The following GRIA1 variants were observed in gnomAD, a reference collection of about 807,000 sequenced individuals.
GRIA1 encodes glutamate receptor 1.
In GRIA1, 31 loss-of-function variants were observed where a neutral mutation model predicts 99.2. The ratio of observed to expected loss-of-function variants is 0.31; its 90% CI spans 0.23 to 0.42. GRIA1 has a LOEUF of 0.42. GRIA1 is among the 10% of genes least tolerant of loss of function. The pLI, the probability that GRIA1 is intolerant of heterozygous loss-of-function variation, is 1.00. For missense variants in GRIA1, 782 were observed against 1,157.5 expected (o/e 0.68, Z 4.71); for synonymous variants, 438 against 432.4 (o/e 1.01, Z -0.16).
At chr5:153,747,348 G>A (rs1395508161) in intron 11 of GRIA1, among the ~76,000 whole-genome samples, 1 of 152,114 alleles carries the variant, frequency 6.6e-6, no homozygotes, top group East Asian at 1.9e-4. Flanking sequence ...CATTACCATA[G>A]GGAGGGCACC....
At chr5:153,769,497 C>A (rs914409443) in intron 12 of GRIA1, among the ~76,000 whole-genome samples, 1 of 151,926 alleles carries the variant, frequency 6.6e-6, no homozygotes, top group African/African-American at 2.4e-5. Flanking sequence ...CAAGCAAAGT[C>A]CTGAAGGGGA....
chr5:153,781,640 G>T (rs772877680), intron 13 of GRIA1, among the ~76,000 whole-genome samples: 1 of 152,122 alleles, frequency 6.6e-6, no homozygotes, highest in Non-Finnish European at 1.5e-5. Flanking sequence ...GCTGTGCCTG[G>T]TCTGTCTGAT....
At chr5:153,764,075 T>G (rs1247624573) in intron 11 of GRIA1, among the ~76,000 whole-genome samples, 1 of 152,232 alleles carries the variant, frequency 6.6e-6, no homozygotes, top group African/African-American at 2.4e-5. Context: ...ACAAAACATT[T>G]GCTGTGTATG....
chr5:153,732,033 C>T (rs936351597), intron 11 of GRIA1, among the ~76,000 whole-genome samples: 1 of 152,030 alleles, frequency 6.6e-6, no homozygotes, highest in South Asian at 2.1e-4. Context: ...ACTTATAATG[C>T]CCTCCAGGTT....
chr5:153,795,482 C>G, intron 14 of GRIA1: 1 of 1,588,528 alleles, frequency 6.3e-7, no homozygotes, highest in Non-Finnish European at 8.6e-7. Flanking sequence ...GAAGAGGTCC[C>G]GTAAACCTAG....
intron 2 of GRIA1, among the ~76,000 whole-genome samples, chr5:153,639,996 C>T (rs757276597): frequency 2.6e-4 from 39 of 152,320 alleles, no homozygotes; most frequent in East Asian, 7.7e-4. Flanking sequence ...TGTTCACAGA[C>T]GTGCTTCTTT....
At chr5:153,631,465 T>C (rs1037007950) in intron 2 of GRIA1, among the ~76,000 whole-genome samples, 2 of 152,270 alleles carry the variant, frequency 1.3e-5, no homozygotes, top group Non-Finnish European at 2.9e-5. Context: ...ATTAAAATGA[T>C]GTGAACTAGT....
chr5:153,523,524 TTTATGC>T (rs941452940), intron 2 of GRIA1, among the ~76,000 whole-genome samples: 10 of 148,346 alleles, frequency 6.7e-5, no homozygotes, highest in African/African-American at 2.5e-4. Flanking sequence ...TTTTTTTTTA[TTTATGC>T]TTATGTTGTT....
chr5:153,687,777 A>G (rs1757440982), intron 8 of GRIA1, among the ~76,000 whole-genome samples: 2 of 152,182 alleles, frequency 1.3e-5, no homozygotes, highest in Non-Finnish European at 2.9e-5. Context: ...TCTTATGTCT[A>G]GAACCGCATC....
chr5:153,759,359 A>T (rs1056561847), intron 11 of GRIA1, among the ~76,000 whole-genome samples: 1 of 151,874 alleles, frequency 6.6e-6, no homozygotes, highest in Non-Finnish European at 1.5e-5. Flanking sequence ...AAATAAAATT[A>T]TAAATGAAAA....
chr5:153,541,630 C>T (rs1393394356), intron 2 of GRIA1, among the ~76,000 whole-genome samples: 1 of 151,994 alleles, frequency 6.6e-6, no homozygotes, highest in African/African-American at 2.4e-5. Context: ...ACTTCTAATC[C>T]TCATTTAAGA....
chr5:153,730,992 T>C (rs1581557760), intron 11 of GRIA1, among the ~76,000 whole-genome samples: 1 of 152,210 alleles, frequency 6.6e-6, no homozygotes, highest in East Asian at 1.9e-4. Context: ...GTTAGACTTA[T>C]GTTCAGACCA....
chr5:153,671,110 G>A (rs920993033), intron 5 of GRIA1, among the ~76,000 whole-genome samples: 2 of 152,096 alleles, frequency 1.3e-5, no homozygotes. Context: ...GTTCAGTTGG[G>A]GAGTCTTATT....
chr5:153,803,613 T>C (rs576204599), intron 15 of GRIA1, among the ~76,000 whole-genome samples: 2 of 152,114 alleles, frequency 1.3e-5, no homozygotes, highest in East Asian at 3.9e-4. Context: ...GGGATCTAGA[T>C]AGAGAAGGGG....
intron 2 of GRIA1, among the ~76,000 whole-genome samples, chr5:153,504,439 A>C (rs35574907): frequency 0.034 from 5,229 of 151,840 alleles, 99 homozygotes; most frequent in South Asian, 0.053. Context: ...TACTCTCTCT[A>C]TATATATATT....
At chr5:153,613,884 G>A (rs1023660737) in intron 2 of GRIA1, among the ~76,000 whole-genome samples, 13 of 152,094 alleles carry the variant, frequency 8.5e-5, no homozygotes, top group African/African-American at 2.7e-4. Context: ...CCAGTGCCAC[G>A]TCCCCCATCA....
chr5:153,675,859 A>ATTT lies in GRIA1; in HGVS notation c.862-1122_862-1120dup, dbSNP rs11409143. Among the ~76,000 whole-genome samples the ATTT allele has an allele frequency of 6.0e-3, 876 of 145,696 alleles. 10 individuals are homozygous for ATTT. The highest frequency in any genetic ancestry group is 0.021 in the African/African-American group (837 of 39,494). On this transcript the variant is annotated intron_variant, in intron 6 of 15. Coordinates refer to ENST00000285900, the MANE Select transcript of GRIA1 (RefSeq NM_000827.4). ...GACAAAAATAACCAAATGTAATTTAATTTTTTTTTTTTTTTGAGATGGAGT... is the reference window on the plus strand; with the variant it reads ...GACAAAAATAACCAAATGTAATTTAATTTTTTTTTTTTTTTTTTGAGATGGAGT...
chr5:153,664,960 G>A (rs1755639585), intron 5 of GRIA1, among the ~76,000 whole-genome samples: 1 of 152,194 alleles, frequency 6.6e-6, no homozygotes, highest in Non-Finnish European at 1.5e-5. Flanking sequence ...CATGTAAAGG[G>A]TAGATGCAAT....
intron 1 of GRIA1, among the ~76,000 whole-genome samples, chr5:153,492,981 T>C (rs531157188): frequency 6.6e-6 from 1 of 152,344 alleles, no homozygotes; most frequent in South Asian, 2.1e-4. Context: ...TACTGTCAGA[T>C]TTGAGATAAA....
Sources: allele counts gnomAD v4.1 joint callset (sites outside exome capture counted in the v4.1 genomes callset), GRCh38; gene constraint gnomAD v4.1.1; transcripts MANE v1.5; gene names NCBI Gene and HGNC (gene_info 2026-07-23, HGNC 2026-07-21).